NAV3: variants seen among roughly 807,000 people sequenced by gnomAD.
NAV3 encodes pore membrane and/or filament interacting like protein 1.
In NAV3, 87 loss-of-function variants were observed where a neutral mutation model predicts 244.7. The observed-to-expected ratio is 0.36, with a 90% CI of 0.30 to 0.42. The LOEUF (loss-of-function observed/expected upper bound fraction) is 0.42. Ranked by LOEUF, NAV3 falls within the 20% of genes least tolerant of loss-of-function variation. NAV3 has a pLI of 1.00. For synonymous variants in NAV3, 1,126 were observed against 1,042.2 expected (o/e 1.08, Z -1.55); for missense variants, 2,663 against 2,893.3 (o/e 0.92, Z 1.83).
intron 1 of NAV3, among the ~76,000 whole-genome samples, chr12:77,847,247 G>C (rs907584572): frequency 2.0e-5 from 3 of 152,218 alleles, no homozygotes; most frequent in Non-Finnish European, 4.4e-5. Flanking sequence ...AGGCATTTCT[G>C]TGTGTGAGAA....
chr12:77,968,450 C>T (rs1892700635), intron 4 of NAV3, 69 bp from the exon 5 acceptor site: 1 of 1,160,572 alleles, frequency 8.6e-7, no homozygotes, highest in South Asian at 1.3e-5. Flanking sequence ...AAGAGAAATG[C>T]ATCTAGAATT....
At chr12:77,882,443 A>G (rs899896722) in intron 1 of NAV3, among the ~76,000 whole-genome samples, 10 of 152,282 alleles carry the variant, frequency 6.6e-5, no homozygotes, top group African/African-American at 2.4e-4. Context: ...AAATGGATTA[A>G]CGACTTAAAT....
chr12:77,867,688 G>A (rs1197869070), intron 1 of NAV3, among the ~76,000 whole-genome samples: 2 of 152,074 alleles, frequency 1.3e-5, no homozygotes, highest in Non-Finnish European at 2.9e-5. Flanking sequence ...CCAAAGTGCT[G>A]GGATTACAGG....
At chr12:77,683,369 T>A (rs1183982040) in intron 2 of NAV3, among the ~76,000 whole-genome samples, 1 of 149,560 alleles carries the variant, frequency 6.7e-6, no homozygotes, top group African/African-American at 2.5e-5. Flanking sequence ...CATTGGTCTT[T>A]GTATGTGTTT....
chr12:77,722,130 A>T (rs1876663937), intron 2 of NAV3, among the ~76,000 whole-genome samples: 1 of 152,076 alleles, frequency 6.6e-6, no homozygotes, highest in Non-Finnish European at 1.5e-5. Context: ...CAACCCTTTT[A>T]CTTGATGCAT....
chr12:77,991,733 CAT>C (rs1315592904), intron 5 of NAV3, among the ~76,000 whole-genome samples: 1 of 152,058 alleles, frequency 6.6e-6, no homozygotes, highest in Non-Finnish European at 1.5e-5. Context: ...AACACAGAAA[CAT>C]AAGAATATTT....
chr12:78,088,664 A>G (rs1338232500), intron 12 of NAV3: 1 of 152,108 alleles, frequency 6.6e-6, no homozygotes, highest in Non-Finnish European at 1.5e-5. Flanking sequence ...TATAAATCCT[A>G]CTGTTCTTGT....
At chr12:77,599,078 G>A (rs1263395558) in intron 2 of NAV3, among the ~76,000 whole-genome samples, 7 of 151,956 alleles carry the variant, frequency 4.6e-5, no homozygotes, top group African/African-American at 1.4e-4. Context: ...CTGCTTCTAT[G>A]AGTGTAATTT....
rs147328042 is a variant in NAV3 at position 77,737,282 on chromosome 12, G to A, written c.72+165016G>A. On this transcript the variant is annotated intron_variant, in intron 2 of 8. Transcript: ENST00000550042. Reference sequence around the variant, plus strand: ...ATTAGTCTTTGAGGCCTTTGGAAATGCTGCGTTCACCCAAAAAATGCATAG... The same window carrying A: ...ATTAGTCTTTGAGGCCTTTGGAAATACTGCGTTCACCCAAAAAATGCATAG... 2.2e-3 allele frequency among the ~76,000 whole-genome samples: 333 copies of A among 149,978 alleles called. 1 individual carries two copies. The highest frequency in any genetic ancestry group is 3.4e-3 in the Non-Finnish European group (233 of 67,680).
chr12:78,110,689 A>AG, intron 12 of NAV3, among the ~76,000 whole-genome samples: 1 of 11,276 alleles, frequency 8.9e-5, no homozygotes, highest in Non-Finnish European at 2.9e-4. Flanking sequence ...ATATATATAT[A>AG]TATAGTGTGT....
At chr12:77,886,147 G>A (rs1883262481) in intron 1 of NAV3, among the ~76,000 whole-genome samples, 1 of 152,042 alleles carries the variant, frequency 6.6e-6, no homozygotes, top group Non-Finnish European at 1.5e-5. Flanking sequence ...ATGTAAATCT[G>A]ACCATTCTGC....
intron 2 of NAV3, among the ~76,000 whole-genome samples, chr12:77,574,625 C>T (rs1011373705): frequency 6.6e-6 from 1 of 152,084 alleles, no homozygotes; most frequent in African/African-American, 2.4e-5. Context: ...GAAAAAGTGT[C>T]ATCTTCTCAT....
intron 39 of NAV3, among the ~76,000 whole-genome samples, chr12:78,208,153 T>C (rs1021899193): frequency 1.3e-5 from 2 of 152,136 alleles, no homozygotes; most frequent in African/African-American, 2.4e-5. Context: ...TGCATGAACT[T>C]ACGGTGGAAA....
intron 2 of NAV3, among the ~76,000 whole-genome samples, chr12:77,811,394 A>T (rs1289114993): frequency 6.6e-6 from 1 of 152,226 alleles, no homozygotes. Flanking sequence ...TAAAGCATGT[A>T]TTAAGGGAAG....
At chr12:78,058,961 A>C (rs1057147772) in intron 11 of NAV3, 35 bp from the exon 12 acceptor site, 4 of 1,553,020 alleles carry the variant, frequency 2.6e-6, no homozygotes, top group Non-Finnish European at 3.5e-6. Context: ...GAGTTGATTT[A>C]GTTTTCTGTG....
chr12:77,584,727 G>A lies in NAV3; in HGVS notation c.72+12461G>A, dbSNP rs185990769. On this transcript the variant is annotated intron_variant, in intron 2 of 8. Transcript: ENST00000550042. ...TGATATTTTATAGGCAGAAGTGATG[G>A]CATACTTAGGATTTAGAATTTTGGA... 1.9e-4 allele frequency among the ~76,000 whole-genome samples: 29 copies of A among 152,226 alleles called. 1 individual carries two copies. In the East Asian group the frequency reaches 4.8e-3, roughly 25 times the overall value.
At chr12:78,070,366 G>A (rs1448857836) in intron 12 of NAV3, among the ~76,000 whole-genome samples, 3 of 149,798 alleles carry the variant, frequency 2.0e-5, no homozygotes. Context: ...TACACCACTA[G>A]TAAATGCCAG....
chr12:78,067,478 T>G (rs927937671), intron 12 of NAV3, among the ~76,000 whole-genome samples: 1 of 152,058 alleles, frequency 6.6e-6, no homozygotes, highest in African/African-American at 2.4e-5. Flanking sequence ...TATGAACAGG[T>G]TCTGGACTTC....
chr12:78,143,713 T>C (rs1446452293), intron 20 of NAV3, among the ~76,000 whole-genome samples: 1 of 151,666 alleles, frequency 6.6e-6, no homozygotes, highest in Non-Finnish European at 1.5e-5. Context: ...TTGTGAAATA[T>C]GGAGCTTCTA....
Sources: allele counts gnomAD v4.1 joint callset (sites outside exome capture counted in the v4.1 genomes callset), GRCh38; gene constraint gnomAD v4.1.1; transcripts MANE v1.5; gene names NCBI Gene and HGNC (gene_info 2026-07-23, HGNC 2026-07-21).